The following IL10RB variants were observed in gnomAD, a reference collection of about 807,000 sequenced individuals.
The protein encoded by IL10RB is interleukin 10 receptor subunit beta.
A neutral mutation model predicts 38.7 loss-of-function variants in IL10RB; 30 were observed. The observed-to-expected ratio is 0.78, with a 90% CI of 0.58 to 1.05. The LOEUF (loss-of-function observed/expected upper bound fraction) is 1.05. IL10RB is among the 50% of genes least tolerant of loss of function. The pLI is 0.00. For missense variants in IL10RB, 328 were observed against 397.1 expected (o/e 0.83, Z 1.48); for synonymous variants, 142 against 145.9 (o/e 0.97, Z 0.19).
At chr21:33,277,764 G>T (rs1327240801) in intron 3 of IL10RB, among the ~76,000 whole-genome samples, 1 of 148,886 alleles carries the variant, frequency 6.7e-6, no homozygotes, top group Admixed American at 6.7e-5. Context: ...CTGCCTCCAG[G>T]GTTCAAATGA....
At chr21:33,281,421 T>G (rs1989277380) in intron 4 of IL10RB, among the ~76,000 whole-genome samples, 1 of 152,160 alleles carries the variant, frequency 6.6e-6, no homozygotes, top group African/African-American at 2.4e-5. Context: ...CTGTTTAGCT[T>G]CTTTTCTCAC....
chr21:33,291,503 T>C (rs895786470), intron 6 of IL10RB, among the ~76,000 whole-genome samples: 1 of 152,136 alleles, frequency 6.6e-6, no homozygotes, highest in African/African-American at 2.4e-5. Context: ...TGACCTCAAG[T>C]GATCTGCCCG....
rs548175667 is a variant in IL10RB at position 33,280,398 on chromosome 21, A to G, written c.498+480A>G. ...AATATCACCCGTGCCACCATGTGCC[A>G]TTGGTCACTTTCTTGACCCCAGCCT... On this transcript the variant is annotated intron_variant, in intron 4 of 6. Transcript: ENST00000290200. Among the ~76,000 whole-genome samples, 62 of 152,344 alleles carry G rather than the reference A, an allele frequency of 4.1e-4. 1 individual carries two copies. The highest frequency in any genetic ancestry group is 1.5e-3 in the African/African-American group (62 of 41,578).
chr21:33,273,126 C>T (rs1889968326), intron 2 of IL10RB, among the ~76,000 whole-genome samples: 1 of 152,134 alleles, frequency 6.6e-6, no homozygotes, highest in African/African-American at 2.4e-5. Context: ...GATGGTGTAG[C>T]CTCGTATACA....
chr21:33,267,365 C>G (rs1988975998), intron 1 of IL10RB, among the ~76,000 whole-genome samples: 1 of 152,048 alleles, frequency 6.6e-6, no homozygotes, highest in Non-Finnish European at 1.5e-5. Flanking sequence ...AGGCCCATGA[C>G]TCGCACATTT....
chr21:33,289,154 A>C (rs1295719423), intron 6 of IL10RB, among the ~76,000 whole-genome samples: 2 of 152,294 alleles, frequency 1.3e-5, no homozygotes, highest in East Asian at 3.9e-4. Context: ...CATGCGCTGG[A>C]TGTGGGCTAC....
chr21:33,290,328 G>C (rs1005400319), intron 6 of IL10RB, among the ~76,000 whole-genome samples: 1 of 151,984 alleles, frequency 6.6e-6, no homozygotes, highest in African/African-American at 2.4e-5. Flanking sequence ...ATATATTTGA[G>C]GTTCTGTTGG....
At chr21:33,291,149 A>G (rs1007990615) in intron 6 of IL10RB, among the ~76,000 whole-genome samples, 1 of 152,142 alleles carries the variant, frequency 6.6e-6, no homozygotes, top group African/African-American at 2.4e-5. Context: ...GACACCAGTC[A>G]CGGGAGGAGG....
At chr21:33,281,515 G>A (rs182571068) in intron 4 of IL10RB, among the ~76,000 whole-genome samples, 4 of 152,246 alleles carry the variant, frequency 2.6e-5, no homozygotes, top group Admixed American at 1.3e-4. Context: ...GTGACTTACC[G>A]AGTGTGGAAA....
Position 33,285,526 on chromosome 21 carries a change from C to G in IL10RB, c.646+2285C>G, listed in dbSNP as rs8178510. Among the ~76,000 whole-genome samples, 654 of 152,282 alleles carry G rather than the reference C, an allele frequency of 4.3e-3. 1 individual carries two copies. Among genetic ancestry groups the G allele is most frequent in the African/African-American group, 0.011 (461 of 41,538 alleles). On this transcript the variant is annotated intron_variant, in intron 5 of 6. Transcript: ENST00000290200. ...ATGCAGAGCAGGGTCCTCTCTCCTG[C>G]CCCCTGTGGAACTCTCCATCTGGGG...
intron 6 of IL10RB, among the ~76,000 whole-genome samples, chr21:33,290,996 A>G (rs763146836): frequency 1.4e-4 from 21 of 152,202 alleles, no homozygotes; most frequent in Non-Finnish European, 1.5e-5. Context: ...GATCTGTCCC[A>G]GGCCTCTACC....
At chr21:33,296,037 C>G (rs906030459) in intron 6 of IL10RB, 147 bp from the exon 7 acceptor site, 2 of 445,682 alleles carry the variant, frequency 4.5e-6, no homozygotes, top group East Asian at 1.1e-4. Flanking sequence ...GAGCAAGACT[C>G]TGTCTCAAAA....
At chr21:33,299,402 T>A (rs897324541), downstream of IL10RB, among the ~76,000 whole-genome samples, 1 of 152,212 alleles carries the variant, frequency 6.6e-6, no homozygotes, top group Non-Finnish European at 1.5e-5. Context: ...TCAGACATTC[T>A]AGCAGAAAAC....
rs8178450 is a variant in IL10RB at position 33,268,606 on chromosome 21, T to A, written c.173+89T>A. ...GTTGGGCCACAGGAGGAAGGGAGTC[T>A]GACTACGGTCACCGTGTGACTGTGA... On this transcript the variant is annotated intron_variant, in intron 2 of 6. Coordinates refer to ENST00000290200, the MANE Select transcript of IL10RB (RefSeq NM_000628.5). The A allele has an allele frequency of 1.6e-3, 1,454 of 915,846 alleles. 21 individuals are homozygous for A. In the African/African-American group the frequency reaches 0.021, roughly 13 times the overall value. The allele number at this position is 915,846 out of a possible 1,614,324, so 56.7% of individuals were successfully genotyped here.
At chr21:33,267,509 TG>T (rs1258982868) in intron 1 of IL10RB, among the ~76,000 whole-genome samples, 1,617 of 85,248 alleles carry the variant, frequency 0.019, 57 homozygotes, top group African/African-American at 0.052. Flanking sequence ...TTTGTTTTTT[TG>T]TTTTTTTGTT....
In IL10RB at chr21:33,267,490, TTTTG is replaced by T. The variant is rs1555864794; in HGVS notation, c.50-892_50-889del. On this transcript the variant is annotated intron_variant, in intron 1 of 6. Transcript: ENST00000290200. ...TCTTTCTTTCTTCTTCCGTTTTTTT[TTTTG>T]TTTGTTTGTTTTTTTGTTTTTTTGT... Among the ~76,000 whole-genome samples the T allele has an allele frequency of 2.7e-4, 40 of 148,024 alleles. 1 individual carries two copies. The highest frequency in any genetic ancestry group is 7.9e-4 in the East Asian group (4 of 5,080).
intron 6 of IL10RB, among the ~76,000 whole-genome samples, chr21:33,292,128 G>A (rs979718079): frequency 3.9e-5 from 6 of 152,092 alleles, no homozygotes; most frequent in Non-Finnish European, 7.4e-5. Context: ...CTTCCCAAAC[G>A]TCCTTGTCCC....
At chr21:33,292,041 T>C (rs1224486964) in intron 6 of IL10RB, among the ~76,000 whole-genome samples, 3 of 152,178 alleles carry the variant, frequency 2.0e-5, no homozygotes, top group African/African-American at 7.2e-5. Flanking sequence ...CTGCTGTCTA[T>C]GATACATGCT....
chr21:33,276,882 G>A, intron 3 of IL10RB, 129 bp downstream of exon 3: 1 of 731,014 alleles, frequency 1.4e-6, no homozygotes, highest in Non-Finnish European at 2.4e-6. Flanking sequence ...AGGAGCTTAA[G>A]GAATATAATA....
Sources: gnomAD v4.1 joint callset for allele counts (sites outside exome capture counted in the v4.1 genomes callset) on GRCh38, gnomAD v4.1.1 for gene constraint, MANE v1.5 for transcripts, NCBI Gene and HGNC (gene_info 2026-07-23, HGNC 2026-07-21) for gene names.